Variants in ADGRB3 observed in about 807,000 individuals in gnomAD.
ADGRB3 encodes adhesion G protein-coupled receptor B3, also known as brain-specific angiogenesis inhibitor 3.
A neutral mutation model predicts 193.4 loss-of-function variants in ADGRB3; 37 were observed. The observed-to-expected ratio is 0.19, with a 90% confidence interval of 0.15 to 0.25. The LOEUF (loss-of-function observed/expected upper bound fraction) is 0.25. Among genes scored for constraint, ADGRB3 ranks in the 10% least tolerant of loss-of-function variants. The pLI, the probability that ADGRB3 is intolerant of heterozygous loss-of-function variation, is 1.00. For synonymous variants in ADGRB3, 690 were observed against 644.2 expected (o/e 1.07, Z -1.08); for missense variants, 1,637 against 1,852.9 (o/e 0.88, Z 2.14).
At chr6:68,662,367 TAAAG>T (rs1561986777) in intron 3 of ADGRB3, among the ~76,000 whole-genome samples, 1 of 151,504 alleles carries the variant, frequency 6.6e-6, no homozygotes. Flanking sequence ...TAATCTAAGA[TAAAG>T]AGAGAATTTA....
At chr6:69,057,628 G>A (rs572381885) in intron 15 of ADGRB3, among the ~76,000 whole-genome samples, 5 of 152,058 alleles carry the variant, frequency 3.3e-5, no homozygotes, top group African/African-American at 9.6e-5. Context: ...TTCATTAAGC[G>A]ATTTTATCAT....
At chr6:69,144,940 G>C (rs1440735960) in intron 17 of ADGRB3, among the ~76,000 whole-genome samples, 1 of 68,604 alleles carries the variant, frequency 1.5e-5, no homozygotes, top group Non-Finnish European at 3.2e-5. Context: ...TGTCATCTTT[G>C]TCTGGTTTTG....
rs1379122591 is a variant in ADGRB3 at position 68,939,172 on chromosome 6, G to A, written c.1030+2492G>A. Among the ~76,000 whole-genome samples the A allele has an allele frequency of 2.0e-5, 3 of 152,208 alleles. No individual in the cohort carries two copies. The East Asian group carries it at 5.8e-4, about 29-fold the overall frequency. On this transcript the variant is annotated intron_variant, in intron 5 of 31. Transcript: ENST00000370598. ...CCAAATCCACCTTTGCACTGTGTCCGATGTCCAGAAGGCTAATATTCCATA... is the reference window on the plus strand; with the variant it reads ...CCAAATCCACCTTTGCACTGTGTCCAATGTCCAGAAGGCTAATATTCCATA...
chr6:69,324,267 T>C (rs1053717559), intron 20 of ADGRB3, among the ~76,000 whole-genome samples: 3 of 152,148 alleles, frequency 2.0e-5, no homozygotes, highest in African/African-American at 7.2e-5. Flanking sequence ...TGCAAAGTAA[T>C]AGTATAGAAG....
At chr6:68,784,333 C>T (rs1225911335) in intron 3 of ADGRB3, among the ~76,000 whole-genome samples, 2 of 152,026 alleles carry the variant, frequency 1.3e-5, no homozygotes, top group Non-Finnish European at 2.9e-5. Context: ...GGCTGAGAAG[C>T]GATACCAGTG....
intron 17 of ADGRB3, among the ~76,000 whole-genome samples, chr6:69,147,276 C>T (rs1225290042): frequency 4.6e-5 from 7 of 152,114 alleles, no homozygotes; most frequent in Admixed American, 1.3e-4. Context: ...GAGGTATGCA[C>T]TTGTAGCTAT....
At chr6:68,765,125 T>C (rs112244840) in intron 3 of ADGRB3, among the ~76,000 whole-genome samples, 9 of 152,322 alleles carry the variant, frequency 5.9e-5, no homozygotes, top group African/African-American at 2.2e-4. Flanking sequence ...TGAATAATGT[T>C]TTAATTTTGA....
chr6:69,085,499 A>T (rs1207749957), intron 17 of ADGRB3, among the ~76,000 whole-genome samples: 1 of 152,014 alleles, frequency 6.6e-6, no homozygotes, highest in Non-Finnish European at 1.5e-5. Flanking sequence ...AAAAGACTTT[A>T]TATTGCTGAG....
In ADGRB3 at chr6:68,936,508, C is replaced by T; in HGVS notation, c.869-11C>T. 2 of 1,612,604 alleles carry T rather than the reference C, an allele frequency of 1.2e-6. No homozygotes were observed. The highest frequency in any genetic ancestry group is 1.7e-6 in the Non-Finnish European group (2 of 1,179,180). ...ACAGTATTTCATGTTTATTTGTTGT[C>T]TTGCACGCAGGTGAATCTGGTGTGG... On this transcript the variant is annotated splice_polypyrimidine_tract_variant and intron_variant, in intron 4 of 31. Transcript: ENST00000370598.
At chr6:69,137,749 A>C (rs1418736735) in intron 17 of ADGRB3, among the ~76,000 whole-genome samples, 3 of 152,170 alleles carry the variant, frequency 2.0e-5, no homozygotes, top group African/African-American at 7.2e-5. Flanking sequence ...GTGGGCCAAG[A>C]TCACACCACT....
At chr6:68,741,899 AATTC>A (rs1765990505) in intron 3 of ADGRB3, among the ~76,000 whole-genome samples, 3 of 152,192 alleles carry the variant, frequency 2.0e-5, no homozygotes, top group Admixed American at 2.0e-4. Flanking sequence ...TAAATATGCA[AATTC>A]ATTATCATTC....
At chr6:69,046,845 T>C (rs1489797145) in intron 13 of ADGRB3, among the ~76,000 whole-genome samples, 1 of 152,158 alleles carries the variant, frequency 6.6e-6, no homozygotes, top group African/African-American at 2.4e-5. Flanking sequence ...AATTCACTTA[T>C]GAGGAGTGTA....
In ADGRB3 at chr6:69,156,060, A is replaced by C. The variant is rs371329429; in HGVS notation, c.2481-77230A>C. Among the ~76,000 whole-genome samples, 186 of 152,312 alleles carry C rather than the reference A, an allele frequency of 1.2e-3. 2 individuals carry two copies. In the South Asian group the frequency reaches 0.031, roughly 25 times the overall value. The stretch of plus-strand genomic sequence containing the variant: ...ATGCTCGTTAATTTAATTTAAAAAT[A>C]TTTAATTGAGAACCTAGTCTCAATT... On this transcript the variant is annotated intron_variant, in intron 17 of 31. Coordinates refer to ENST00000370598, the MANE Select transcript of ADGRB3 (RefSeq NM_001704.3).
intron 3 of ADGRB3, among the ~76,000 whole-genome samples, chr6:68,925,110 C>T (rs992613419): frequency 3.3e-5 from 5 of 151,820 alleles, no homozygotes; most frequent in Non-Finnish European, 7.4e-5. Context: ...CCAGTCTTTT[C>T]TCCTATCCTC....
At chr6:68,733,080 A>G (rs1446032586) in intron 3 of ADGRB3, among the ~76,000 whole-genome samples, 1 of 151,778 alleles carries the variant, frequency 6.6e-6, no homozygotes, top group Non-Finnish European at 1.5e-5. Flanking sequence ...TCAGAGAACT[A>G]AAAATAGAAC....
chr6:69,385,213 CT>C lies in ADGRB3; in HGVS notation c.4380+2282del, dbSNP rs1770042349. On this transcript the variant is annotated intron_variant, in intron 31 of 31. Transcript: ENST00000370598. ...GTTAAGATCTCTTTCCCCCAAGTAG[CT>C]TTTGCAAATTCTTACTTTTTAAAAA... 5.3e-5 allele frequency among the ~76,000 whole-genome samples: 8 copies of C among 152,064 alleles called. No individual in the cohort carries two copies. In the South Asian group the frequency reaches 1.7e-3, roughly 32 times the overall value.
chr6:68,709,023 G>A (rs1765369538), intron 3 of ADGRB3, among the ~76,000 whole-genome samples: 1 of 152,106 alleles, frequency 6.6e-6, no homozygotes, highest in South Asian at 2.1e-4. Flanking sequence ...GTAAGGATTT[G>A]TTTAAAATGC....
intron 3 of ADGRB3, among the ~76,000 whole-genome samples, chr6:68,752,570 G>C (rs1766221055): frequency 6.6e-6 from 1 of 152,102 alleles, no homozygotes; most frequent in South Asian, 2.1e-4. Context: ...ACTGTACCTG[G>C]CTAGTTGTGG....
intron 3 of ADGRB3, among the ~76,000 whole-genome samples, chr6:68,855,525 T>C (rs1296333145): frequency 6.6e-6 from 1 of 151,890 alleles, no homozygotes; most frequent in East Asian, 1.9e-4. Context: ...TTTATTAAAA[T>C]ATATATAACA....
Sources: gnomAD v4.1 joint callset for allele counts (sites outside exome capture counted in the v4.1 genomes callset) on GRCh38, gnomAD v4.1.1 for gene constraint, MANE v1.5 for transcripts, NCBI Gene and HGNC (gene_info 2026-07-23, HGNC 2026-07-21) for gene names.